The following NAV3 variants were observed in gnomAD, a reference collection of about 807,000 sequenced individuals.
NAV3 encodes neuron navigator 3.
In NAV3, 87 loss-of-function variants were observed where a neutral mutation model predicts 244.7. The ratio of observed to expected loss-of-function variants is 0.36; its 90% CI spans 0.30 to 0.42. The LOEUF (loss-of-function observed/expected upper bound fraction) is 0.42, where lower values mean the gene tolerates loss of function less well. Among genes scored for constraint, NAV3 ranks in the 20% least tolerant of loss-of-function variants. NAV3 has a pLI of 1.00. For missense variants in NAV3, 2,663 were observed against 2,893.3 expected (o/e 0.92, Z 1.83); for synonymous variants, 1,126 against 1,042.2 (o/e 1.08, Z -1.55).
chr12:77,789,816 GA>G (rs57070028), intron 2 of NAV3, among the ~76,000 whole-genome samples: 1,563 of 75,694 alleles, frequency 0.021, 16 homozygotes, highest in Middle Eastern at 0.092. Flanking sequence ...GTCTCGAAAA[GA>G]AAAAAAAAAA....
At chr12:77,830,861 TC>T (rs1454604058), upstream of NAV3, 21 of 152,192 alleles carry the variant, frequency 1.4e-4, no homozygotes, top group African/African-American at 4.6e-4. Context: ...AATACAATTT[TC>T]TTTAAAAAGA....
intron 2 of NAV3, among the ~76,000 whole-genome samples, chr12:77,615,776 T>C (rs1408403327): frequency 6.6e-6 from 1 of 152,160 alleles, no homozygotes; most frequent in Non-Finnish European, 1.5e-5. Flanking sequence ...GTGCTGTTAA[T>C]TGTCAGTCTT....
At chr12:77,688,964 T>G (rs770522802) in intron 2 of NAV3, among the ~76,000 whole-genome samples, 3 of 151,896 alleles carry the variant, frequency 2.0e-5, no homozygotes, top group Non-Finnish European at 4.4e-5. Flanking sequence ...GTTTTATAAC[T>G]TTCTCTGAAA....
At chr12:77,978,027 G>A (rs1868836512) in intron 5 of NAV3, among the ~76,000 whole-genome samples, 1 of 151,652 alleles carries the variant, frequency 6.6e-6, no homozygotes, top group Admixed American at 6.6e-5. Context: ...GTTTAGTTTT[G>A]TTTGTAAAAA....
intron 1 of NAV3, among the ~76,000 whole-genome samples, chr12:77,920,931 G>T (rs539963839): frequency 6.6e-6 from 1 of 152,152 alleles, no homozygotes; most frequent in Non-Finnish European, 1.5e-5. Flanking sequence ...TCATATCCTT[G>T]TCACAAAAGG....
intron 2 of NAV3, among the ~76,000 whole-genome samples, chr12:77,772,528 A>T (rs938827745): frequency 1.3e-5 from 2 of 152,190 alleles, no homozygotes; most frequent in African/African-American, 4.8e-5. Flanking sequence ...ACTGACACTG[A>T]CTTCACTGAG....
chr12:77,605,654 A>T (rs1199097656), intron 2 of NAV3, among the ~76,000 whole-genome samples: 1 of 152,162 alleles, frequency 6.6e-6, no homozygotes. Flanking sequence ...TGCACAAAAT[A>T]ATCATACTTC....
At chr12:77,689,732 T>C (rs1224398368) in intron 2 of NAV3, among the ~76,000 whole-genome samples, 3 of 151,890 alleles carry the variant, frequency 2.0e-5, no homozygotes, top group Non-Finnish European at 2.9e-5. Context: ...CATTACTAAA[T>C]TGAAGTTTCA....
chr12:77,766,014 C>T (rs886288063), intron 2 of NAV3, among the ~76,000 whole-genome samples: 1 of 151,994 alleles, frequency 6.6e-6, no homozygotes, highest in Non-Finnish European at 1.5e-5. Context: ...GAGGGAGAGG[C>T]AGAAATTGCC....
chr12:77,817,062 A>G (rs1872555081), intron 2 of NAV3, among the ~76,000 whole-genome samples: 1 of 152,004 alleles, frequency 6.6e-6, no homozygotes, highest in Non-Finnish European at 1.5e-5. Context: ...TTTTTATTCT[A>G]TTTTCCAATC....
chr12:78,050,662 A>G (rs1882608915), intron 10 of NAV3, 102 bp from the exon 11 acceptor site: 16 of 1,239,328 alleles, frequency 1.3e-5, no homozygotes, highest in Admixed American at 2.3e-5. Context: ...TGACGTGTTT[A>G]TAAGAGATGA....
chr12:78,019,363 A>G (rs148485347), intron 8 of NAV3, among the ~76,000 whole-genome samples: 58 of 152,250 alleles, frequency 3.8e-4, no homozygotes, highest in African/African-American at 1.2e-3. Context: ...GTTGACTGAA[A>G]CTTATATTCT....
chr12:77,631,428 A>G (rs1871891729), intron 2 of NAV3, among the ~76,000 whole-genome samples: 2 of 152,058 alleles, frequency 1.3e-5, no homozygotes, highest in Non-Finnish European at 2.9e-5. Flanking sequence ...TAATTTGTAA[A>G]ATGTCCCTGG....
At chr12:77,847,293 C>T (rs182305430) in intron 1 of NAV3, among the ~76,000 whole-genome samples, 66 of 152,276 alleles carry the variant, frequency 4.3e-4, no homozygotes, top group African/African-American at 1.3e-3. Flanking sequence ...AAAGGTCACC[C>T]GTTTTCCTTC....
chr12:77,665,635 C>A (rs964424007), intron 2 of NAV3, among the ~76,000 whole-genome samples: 2 of 152,058 alleles, frequency 1.3e-5, no homozygotes, highest in Admixed American at 6.5e-5. Context: ...TAAATATAAA[C>A]TATTAAACAT....
At chr12:77,748,143 TATC>T (rs1328285103) in intron 2 of NAV3, among the ~76,000 whole-genome samples, 1 of 152,230 alleles carries the variant, frequency 6.6e-6, no homozygotes, top group Non-Finnish European at 1.5e-5. Context: ...TTCATTTTGA[TATC>T]ATAGAAGAGC....
At chr12:77,870,767 A>G (rs967027855) in intron 1 of NAV3, among the ~76,000 whole-genome samples, 1 of 152,208 alleles carries the variant, frequency 6.6e-6, no homozygotes, top group Admixed American at 6.5e-5. Flanking sequence ...GGATCATATA[A>G]ACTGAGAAAG....
intron 2 of NAV3, among the ~76,000 whole-genome samples, chr12:77,762,476 A>T (rs577955344): frequency 1.3e-5 from 2 of 152,162 alleles, no homozygotes; most frequent in East Asian, 3.9e-4. Flanking sequence ...GTTGGTGTGC[A>T]CCTGTAGTCC....
At chr12:77,879,431 G>A (rs1293974725) in intron 1 of NAV3, among the ~76,000 whole-genome samples, 1 of 152,066 alleles carries the variant, frequency 6.6e-6, no homozygotes, top group Non-Finnish European at 1.5e-5. Flanking sequence ...ACTTTGGGAG[G>A]TCCAGGCAGG....
Sources: gnomAD v4.1 joint callset for allele counts (sites outside exome capture counted in the v4.1 genomes callset) on GRCh38, gnomAD v4.1.1 for gene constraint, MANE v1.5 for transcripts, NCBI Gene and HGNC (gene_info 2026-07-23, HGNC 2026-07-21) for gene names.